INTS9: variants seen among roughly 807,000 people sequenced by gnomAD.
INTS9 encodes integrator complex subunit 9, also known as protein related to CPSF subunits of 74 kDa.
INTS9 carries 55 observed loss-of-function variants against 79.7 expected under a neutral mutation model. The observed-to-expected ratio is 0.69, with a 90% CI of 0.56 to 0.86. The LOEUF (loss-of-function observed/expected upper bound fraction) is 0.86. Among genes scored for constraint, INTS9 ranks in the 40% least tolerant of loss-of-function variants. The pLI is 0.00. For missense variants in INTS9, 721 were observed against 831.5 expected, an observed-to-expected ratio of 0.87 and a Z score of 1.64; for synonymous variants, 319 against 325.2, an observed-to-expected ratio of 0.98 and a Z score of 0.20.
rs144557218 is a variant in INTS9 at position 28,830,870 on chromosome 8, A to C, written c.488+4422T>G. On this transcript the variant is annotated intron_variant, in intron 6 of 16. Transcript: ENST00000521022. The stretch of plus-strand genomic sequence containing the variant: ...CAAAGATGGCCTTCTCCAATAGCGC[A>C]AGTTACTACTCTCCTTGCTCCTCTA... 3.2e-4 allele frequency among the ~76,000 whole-genome samples: 48 copies of C among 152,250 alleles called. No homozygotes were observed. The East Asian group carries it at 8.9e-3, about 28-fold the overall frequency.
intron 6 of INTS9, among the ~76,000 whole-genome samples, chr8:28,825,139 G>A (rs1806076224): frequency 6.6e-6 from 1 of 152,210 alleles, no homozygotes; most frequent in Admixed American, 6.5e-5. Context: ...AAGTTCTCAG[G>A]ATCAGGCAGC....
In INTS9 at chr8:28,834,953, A is replaced by G. The variant is rs182304536; in HGVS notation, c.488+339T>C. Among the ~76,000 whole-genome samples, 700 of 152,330 alleles carry G rather than the reference A, an allele frequency of 4.6e-3. 4 individuals carry two copies. The highest frequency in any genetic ancestry group is 0.016 in the African/African-American group (650 of 41,570). ...CGGCCTCCCAAAGTGCTGGGATTAC[A>G]GGCGTGAGTCACCGCGCCTAGCTGG... On this transcript the variant is annotated intron_variant, in intron 6 of 16. Coordinates refer to ENST00000521022, the MANE Select transcript of INTS9 (RefSeq NM_018250.4).
intron 8 of INTS9, among the ~76,000 whole-genome samples, chr8:28,806,941 T>C (rs1804850187): frequency 6.6e-6 from 1 of 152,064 alleles, no homozygotes; most frequent in Admixed American, 6.6e-5. Context: ...TAGCAAGTAT[T>C]AAACAGAGTA....
chr8:28,875,325 C>T (rs1211351158), intron 1 of INTS9, among the ~76,000 whole-genome samples: 2 of 152,200 alleles, frequency 1.3e-5, no homozygotes, highest in Admixed American at 1.3e-4. Context: ...ACATACATCA[C>T]TGGGGAAATG....
At chr8:28,850,486 T>C (rs1251956502) in intron 2 of INTS9, among the ~76,000 whole-genome samples, 1 of 151,988 alleles carries the variant, frequency 6.6e-6, no homozygotes, top group Non-Finnish European at 1.5e-5. Flanking sequence ...TCAAATAGTT[T>C]AGTGGAAAAT....
At chr8:28,879,725 T>C (rs769079321) in intron 1 of INTS9, among the ~76,000 whole-genome samples, 1 of 152,160 alleles carries the variant, frequency 6.6e-6, no homozygotes, top group Non-Finnish European at 1.5e-5. Context: ...GAAAATATTA[T>C]TCAGCAAGAA....
chr8:28,799,543 T>G (rs796261371), intron 8 of INTS9: 16 of 152,340 alleles, frequency 1.1e-4, no homozygotes, highest in African/African-American at 3.6e-4. Context: ...CCAGGGCTAC[T>G]GTGATGAAGC....
intron 8 of INTS9, among the ~76,000 whole-genome samples, chr8:28,811,045 C>CA (rs1805086069): frequency 1.3e-5 from 2 of 152,170 alleles, no homozygotes; most frequent in Non-Finnish European, 2.9e-5. Context: ...CTTTAGGGGC[C>CA]CTTCACTGGC....
chr8:28,792,595 G>A (rs1803978207), intron 10 of INTS9, among the ~76,000 whole-genome samples: 1 of 151,944 alleles, frequency 6.6e-6, no homozygotes, highest in Non-Finnish European at 1.5e-5. Context: ...TCAGAATAAA[G>A]ATTCAGAGTT....
At chr8:28,844,534 A>G (rs1452864416) in intron 4 of INTS9, among the ~76,000 whole-genome samples, 2 of 151,396 alleles carry the variant, frequency 1.3e-5, no homozygotes, top group Non-Finnish European at 2.9e-5. Flanking sequence ...GCCAATTTAA[A>G]AAAATTATCA....
At position 28,768,080 on chromosome 8, in the gene INTS9, A is replaced by T; in HGVS notation, c.*66T>A. The stretch of plus-strand genomic sequence containing the variant: ...TTAATGGCCTCTCATGCCACTCCTC[A>T]GGTGGCTTGTGAGGGCAGCCAGTGA... On this transcript the variant is annotated 3_prime_UTR_variant, in exon 17 of 17. Coordinates refer to ENST00000521022, the MANE Select transcript of INTS9 (RefSeq NM_018250.4). The T allele has an allele frequency of 1.4e-6, 2 of 1,444,286 alleles. No homozygotes were observed. The highest frequency in any genetic ancestry group is 9.7e-7 in the Non-Finnish European group (1 of 1,030,644). The allele number at this position is 1,444,286 out of a possible 1,614,324, so 89.5% of individuals were successfully genotyped here. A position where few individuals can be genotyped will look rare whatever the true frequency, so the allele number is the denominator to read the frequency against.
chr8:28,809,361 C>G (rs528439486), intron 8 of INTS9, among the ~76,000 whole-genome samples: 2 of 152,112 alleles, frequency 1.3e-5, no homozygotes, highest in South Asian at 4.1e-4. Context: ...CATTTAGTGC[C>G]CAGGCCACAG....
At chr8:28,794,403 G>C (rs1289880931) in intron 9 of INTS9, among the ~76,000 whole-genome samples, 1 of 152,198 alleles carries the variant, frequency 6.6e-6, no homozygotes, top group African/African-American at 2.4e-5. Context: ...GTCTGCAGGA[G>C]TTAGTAGTAT....
intron 14 of INTS9, 118 bp from the exon 15 acceptor site, chr8:28,771,198 A>T: frequency 2.7e-5 from 18 of 672,760 alleles, no homozygotes; most frequent in Non-Finnish European, 3.8e-5. Context: ...AAGGTAAACA[A>T]TTTTTTTTTT....
At chr8:28,790,864 T>A (rs756820196) in intron 10 of INTS9, among the ~76,000 whole-genome samples, 1 of 152,176 alleles carries the variant, frequency 6.6e-6, no homozygotes, top group Admixed American at 6.5e-5. Flanking sequence ...GATCTTTGGA[T>A]TGGACAAGTT....
intron 9 of INTS9, among the ~76,000 whole-genome samples, chr8:28,794,474 C>T (rs1212774728): frequency 6.6e-6 from 1 of 152,174 alleles, no homozygotes; most frequent in Non-Finnish European, 1.5e-5. Flanking sequence ...TTAGGCTCAC[C>T]TAGATGCTAT....
chr8:28,881,489 C>G (rs1809803103), intron 1 of INTS9, among the ~76,000 whole-genome samples: 1 of 140,614 alleles, frequency 7.1e-6, no homozygotes, highest in Non-Finnish European at 1.6e-5. Context: ...GGGGGGTCAG[C>G]CCCCCGCCCG....
intron 2 of INTS9, among the ~76,000 whole-genome samples, chr8:28,852,841 C>T (rs1807922580): frequency 6.6e-6 from 1 of 152,196 alleles, no homozygotes; most frequent in Non-Finnish European, 1.5e-5. Flanking sequence ...GTTAGAGCCA[C>T]TGCTAGTAGA....
intron 1 of INTS9, 90 bp downstream of exon 1, chr8:28,889,784 T>G (rs1810515716): frequency 6.9e-7 from 1 of 1,440,580 alleles, no homozygotes. Context: ...ACCCCTCCCG[T>G]GCGACGATTC....
Sources: gnomAD v4.1 joint callset for allele counts (sites outside exome capture counted in the v4.1 genomes callset) on GRCh38, gnomAD v4.1.1 for gene constraint, MANE v1.5 for transcripts, NCBI Gene and HGNC (gene_info 2026-07-23, HGNC 2026-07-21) for gene names.